The following PRKCA variants were observed in gnomAD, a reference collection of about 807,000 sequenced individuals.
PRKCA encodes the protein protein kinase C alpha type.
A neutral mutation model predicts 87.0 loss-of-function variants in PRKCA; 27 were observed. That is an observed-to-expected ratio of 0.31 (90% CI 0.23 to 0.43). The LOEUF (loss-of-function observed/expected upper bound fraction) is 0.43, where lower values mean the gene tolerates loss of function less well. Among genes scored for constraint, PRKCA ranks in the 20% least tolerant of loss-of-function variants. The pLI, the probability that PRKCA is intolerant of heterozygous loss-of-function variation, is 1.00. For missense variants in PRKCA, 518 were observed against 852.3 expected (o/e 0.61, Z 4.88); for synonymous variants, 329 against 311.1 (o/e 1.06, Z -0.61).
Position 66,349,364 on chromosome 17 carries a change from A to AC in PRKCA, c.205+43243dup, listed in dbSNP as rs751213684. ...GAATATGCTGCCTGCCTACCCTGCTACCCCCCGCATTTGGCAAGGTTGCAC... is the reference window on the plus strand; with the variant it reads ...GAATATGCTGCCTGCCTACCCTGCTACCCCCCCGCATTTGGCAAGGTTGCAC... On this transcript the variant is annotated intron_variant, in intron 2 of 16. Transcript: ENST00000413366. Among the ~76,000 whole-genome samples the AC allele has an allele frequency of 1.2e-3, 178 of 151,828 alleles. 1 individual carries two copies. The highest frequency in any genetic ancestry group is 2.1e-3 in the Non-Finnish European group (142 of 67,968).
intron 2 of PRKCA, among the ~76,000 whole-genome samples, chr17:66,407,454 A>G (rs1316576780): frequency 6.6e-6 from 1 of 152,190 alleles, no homozygotes; most frequent in Non-Finnish European, 1.5e-5. Context: ...CCTCCCCAGA[A>G]GCCAAGCGGA....
At chr17:66,779,371 T>C (rs548577072) in intron 14 of PRKCA, among the ~76,000 whole-genome samples, 3 of 152,084 alleles carry the variant, frequency 2.0e-5, no homozygotes, top group East Asian at 3.9e-4. Flanking sequence ...GCATAAATAG[T>C]GTTTACCCAG....
At chr17:66,579,365 C>T (rs764196103) in intron 3 of PRKCA, among the ~76,000 whole-genome samples, 19 of 152,176 alleles carry the variant, frequency 1.2e-4, no homozygotes, top group Middle Eastern at 6.8e-3. Context: ...AAGATGTTTC[C>T]GGAACCTGCG....
intron 2 of PRKCA, among the ~76,000 whole-genome samples, chr17:66,436,035 G>A (rs942899889): frequency 2.0e-5 from 3 of 152,246 alleles, no homozygotes; most frequent in African/African-American, 7.2e-5. Context: ...GCAAATGGGT[G>A]GAAACTGGTG....
chr17:66,655,893 A>G lies in PRKCA; in HGVS notation c.529+10382A>G, dbSNP rs143486891. Among the ~76,000 whole-genome samples, 816 of 152,284 alleles carry G rather than the reference A, an allele frequency of 5.4e-3. 9 individuals carry two copies. The highest frequency in any genetic ancestry group is 4.9e-3 in the Non-Finnish European group (336 of 68,032). Reference sequence around the variant, plus strand: ...TCTGGGATCCTTTAGAGAAACATCTATCAGCTAAGAAAAAGGTTGCATCTT... The same window carrying G: ...TCTGGGATCCTTTAGAGAAACATCTGTCAGCTAAGAAAAAGGTTGCATCTT... On this transcript the variant is annotated intron_variant, in intron 5 of 16. Coordinates refer to ENST00000413366, the MANE Select transcript of PRKCA (RefSeq NM_002737.3).
chr17:66,790,977 G>A (rs566432717), intron 16 of PRKCA, among the ~76,000 whole-genome samples: 3 of 147,740 alleles, frequency 2.0e-5, no homozygotes, highest in Admixed American at 6.8e-5. Context: ...TTCCTGGAGC[G>A]CTACTGTTTG....
chr17:66,722,894 T>C (rs1159103035), intron 8 of PRKCA, among the ~76,000 whole-genome samples: 1 of 152,268 alleles, frequency 6.6e-6, no homozygotes, highest in Non-Finnish European at 1.5e-5. Flanking sequence ...TTCACAACAT[T>C]ACATATTGTA....
intron 3 of PRKCA, among the ~76,000 whole-genome samples, chr17:66,590,868 G>A (rs1311550314): frequency 2.6e-5 from 4 of 151,888 alleles, no homozygotes; most frequent in Non-Finnish European, 5.9e-5. Flanking sequence ...AAAAGTGGAT[G>A]CCGGTCCTGA....
At chr17:66,466,790 G>T (rs1045562046) in intron 2 of PRKCA, among the ~76,000 whole-genome samples, 1 of 151,918 alleles carries the variant, frequency 6.6e-6, no homozygotes, top group Non-Finnish European at 1.5e-5. Context: ...AGCAGTAAAA[G>T]CCTTTAACCT....
intron 2 of PRKCA, among the ~76,000 whole-genome samples, chr17:66,386,553 A>C (rs1381194597): frequency 2.0e-5 from 3 of 152,232 alleles, no homozygotes; most frequent in African/African-American, 4.8e-5. Flanking sequence ...TAGCCAGTGC[A>C]TATGATACCC....
intron 3 of PRKCA, among the ~76,000 whole-genome samples, chr17:66,627,385 C>T (rs1259324355): frequency 6.6e-6 from 1 of 152,104 alleles, no homozygotes; most frequent in Non-Finnish European, 1.5e-5. Flanking sequence ...GCTTAGGACA[C>T]ATTTAACGCC....
At chr17:66,480,256 A>T (rs1219036630) in intron 2 of PRKCA, among the ~76,000 whole-genome samples, 2 of 152,020 alleles carry the variant, frequency 1.3e-5, no homozygotes, top group African/African-American at 4.8e-5. Context: ...GGGCATTAGA[A>T]TCCCTTGGAC....
intron 7 of PRKCA, 102 bp downstream of exon 7, chr17:66,688,538 C>T (rs1291157742): frequency 3.4e-6 from 5 of 1,458,362 alleles, no homozygotes; most frequent in South Asian, 2.6e-5. Flanking sequence ...CATGGTGCCT[C>T]ATGCTTGTAA....
At chr17:66,637,296 G>A (rs1389550837) in intron 3 of PRKCA, among the ~76,000 whole-genome samples, 1 of 152,160 alleles carries the variant, frequency 6.6e-6, no homozygotes, top group Non-Finnish European at 1.5e-5. Context: ...TATTAATTTA[G>A]TGCCATTTGT....
chr17:66,546,604 A>G (rs1202561501), intron 3 of PRKCA, among the ~76,000 whole-genome samples: 1 of 152,140 alleles, frequency 6.6e-6, no homozygotes, highest in African/African-American at 2.4e-5. Context: ...CCATTTCCAA[A>G]TCTTTCTTTC....
intron 2 of PRKCA, among the ~76,000 whole-genome samples, chr17:66,413,367 A>G (rs1057025299): frequency 3.3e-5 from 5 of 152,108 alleles, no homozygotes; most frequent in Non-Finnish European, 7.4e-5. Context: ...CCCTTTCCAG[A>G]TGTGCCAGCC....
At chr17:66,410,002 C>T (rs1049806127) in intron 2 of PRKCA, among the ~76,000 whole-genome samples, 6 of 152,194 alleles carry the variant, frequency 3.9e-5, no homozygotes, top group Non-Finnish European at 7.3e-5. Context: ...TTTGTTCACT[C>T]GTTCGTTTGT....
chr17:66,467,068 C>G (rs538441722), intron 2 of PRKCA, among the ~76,000 whole-genome samples: 1 of 152,290 alleles, frequency 6.6e-6, no homozygotes, highest in South Asian at 2.1e-4. Context: ...ACACACACGA[C>G]AGAGATGGCT....
At chr17:66,629,062 A>T (rs1970934867) in intron 3 of PRKCA, among the ~76,000 whole-genome samples, 1 of 152,190 alleles carries the variant, frequency 6.6e-6, no homozygotes, top group Non-Finnish European at 1.5e-5. Flanking sequence ...ATTTATCTTA[A>T]CGTGGGTAAG....
Sources: gnomAD v4.1 joint callset for allele counts (sites outside exome capture counted in the v4.1 genomes callset) on GRCh38, gnomAD v4.1.1 for gene constraint, MANE v1.5 for transcripts, NCBI Gene and HGNC (gene_info 2026-07-23, HGNC 2026-07-21) for gene names.